Variants in COL28A1 observed in about 807,000 individuals in gnomAD.
COL28A1 encodes the protein collagen type XXVIII alpha 1 chain.
A neutral mutation model predicts 150.2 loss-of-function variants in COL28A1; 161 were observed. That is an observed-to-expected ratio of 1.07 (90% CI 0.94 to 1.22). COL28A1 has a LOEUF of 1.22. Among genes scored for constraint, COL28A1 ranks in the 50% most tolerant of loss-of-function variants. COL28A1 has a pLI of 0.00. For synonymous variants in COL28A1, 552 were observed against 469.7 expected (o/e 1.18, Z -2.26); for missense variants, 1,617 against 1,388.3 (o/e 1.16, Z -2.62).
the COL28A1 span, among the ~76,000 whole-genome samples, chr7:7,349,511 CT>C: frequency 6.6e-6 from 1 of 152,136 alleles, no homozygotes; most frequent in South Asian, 2.1e-4. Context: ...TGTGAAATTC[CT>C]TTCTTTACAG....
At chr7:7,522,702 T>C (rs1351562546) in intron 4 of COL28A1, among the ~76,000 whole-genome samples, 1 of 151,192 alleles carries the variant, frequency 6.6e-6, no homozygotes, top group Non-Finnish European at 1.5e-5. Flanking sequence ...GATTCAGATT[T>C]ACCAGGGGTG....
At chr7:7,379,145 G>A (rs1017476347) in intron 30 of COL28A1, among the ~76,000 whole-genome samples, 5 of 152,150 alleles carry the variant, frequency 3.3e-5, no homozygotes, top group East Asian at 1.9e-4. Context: ...AGGAAGGAGC[G>A]CAGCTGGAGA....
Position 7,418,590 on chromosome 7 carries a change from G to A in COL28A1, c.2068-663C>T, listed in dbSNP as rs373659744. Among the ~76,000 whole-genome samples the A allele has an allele frequency of 1.6e-4, 25 of 152,236 alleles. 1 individual carries two copies. In the South Asian group the frequency reaches 4.8e-3, roughly 29 times the overall value. On this transcript the variant is annotated intron_variant, in intron 26 of 34. Coordinates refer to ENST00000399429, the MANE Select transcript of COL28A1 (RefSeq NM_001037763.3). ...CCCACAGTAAAGAAATTAGTGTAAC[G>A]TTGCTTATCCCAGAAGTTCCTAAAT... is the stretch of plus-strand genomic sequence containing the variant.
intron 15 of COL28A1, among the ~76,000 whole-genome samples, chr7:7,460,590 G>A (rs902220291): frequency 6.6e-6 from 1 of 152,030 alleles, no homozygotes. Context: ...CACCGTGTTA[G>A]CCAGGATGGT....
At chr7:7,402,962 G>A (rs1225220788) in intron 27 of COL28A1, among the ~76,000 whole-genome samples, 2 of 152,196 alleles carry the variant, frequency 1.3e-5, no homozygotes, top group Non-Finnish European at 2.9e-5. Flanking sequence ...GTATCCAGGT[G>A]TATGTTAGGT....
At chr7:7,371,846 T>TTA (rs1781236834) in intron 32 of COL28A1, among the ~76,000 whole-genome samples, 1 of 152,092 alleles carries the variant, frequency 6.6e-6, no homozygotes, top group Non-Finnish European at 1.5e-5. Context: ...TTTTATTTAT[T>TTA]TTTTGAGACA....
At chr7:7,349,758 A>C in the COL28A1 span, among the ~76,000 whole-genome samples, 2 of 151,834 alleles carry the variant, frequency 1.3e-5, no homozygotes, top group Non-Finnish European at 2.9e-5. Context: ...CATATATTTT[A>C]TCTGTTTTTG....
At chr7:7,385,579 C>A (rs1041089071) in intron 27 of COL28A1, among the ~76,000 whole-genome samples, 1 of 151,436 alleles carries the variant, frequency 6.6e-6, no homozygotes, top group Non-Finnish European at 1.5e-5. Flanking sequence ...ATGTCCAATA[C>A]ATGTTCATGA....
rs1787148717 is a variant in COL28A1 at position 7,456,113 on chromosome 7, C to G, written c.1303-1G>C. 1.2e-6 allele frequency: 2 copies of G among 1,611,532 alleles called. No individual in the cohort carries two copies. The highest frequency in any genetic ancestry group is 1.6e-4 in the Middle Eastern group (1 of 6,070). On this transcript the variant is annotated splice_acceptor_variant, in intron 15 of 34. Transcript: ENST00000399429. LOFTEE classifies it high-confidence loss of function. ...GGGGTCCCACAGGTCCTATATCCCC[C>G]TGCACAGAAAATAAGCCAGGAAATA...
chr7:7,367,766 T>C (rs1462695118), intron 33 of COL28A1, among the ~76,000 whole-genome samples: 3 of 150,638 alleles, frequency 2.0e-5, no homozygotes. Flanking sequence ...TGGATGTCCC[T>C]CAGGCACCTC....
At chr7:7,399,787 C>T (rs1783064993) in intron 27 of COL28A1, among the ~76,000 whole-genome samples, 1 of 152,224 alleles carries the variant, frequency 6.6e-6, no homozygotes, top group African/African-American at 2.4e-5. Context: ...TTCTGCGGCA[C>T]TGTCATCTGA....
At chr7:7,359,993 C>T (rs992198428) in intron 34 of COL28A1, among the ~76,000 whole-genome samples, 4 of 152,122 alleles carry the variant, frequency 2.6e-5, no homozygotes, top group Non-Finnish European at 5.9e-5. Flanking sequence ...TCTAGATTTT[C>T]GCTTGTTTCT....
chr7:7,349,374 T>C, the COL28A1 span, among the ~76,000 whole-genome samples: 4 of 152,128 alleles, frequency 2.6e-5, no homozygotes, highest in Non-Finnish European at 4.4e-5. Flanking sequence ...TATTAGCACC[T>C]GCTCCCTCTA....
chr7:7,522,174 C>G (rs1781763671), intron 4 of COL28A1: 1 of 594,042 alleles, frequency 1.7e-6, no homozygotes, highest in Non-Finnish European at 3.1e-6. Flanking sequence ...TTAAATTATT[C>G]CAGGCAAATT....
chr7:7,487,843 G>C (rs1779710907), intron 13 of COL28A1, among the ~76,000 whole-genome samples: 1 of 152,092 alleles, frequency 6.6e-6, no homozygotes, highest in African/African-American at 2.4e-5. Flanking sequence ...AGCTTTACAT[G>C]ATGAGTGGTT....
intron 15 of COL28A1, among the ~76,000 whole-genome samples, chr7:7,458,432 C>G (rs1787345489): frequency 6.6e-6 from 1 of 150,886 alleles, no homozygotes; most frequent in African/African-American, 2.4e-5. Flanking sequence ...AAAAACAAAA[C>G]AAAAAACAAA....
chr7:7,497,247 A>G (rs1780269890), intron 11 of COL28A1, among the ~76,000 whole-genome samples: 1 of 152,250 alleles, frequency 6.6e-6, no homozygotes, highest in Non-Finnish European at 1.5e-5. Context: ...AAAATTTACC[A>G]GAATAAACTT....
At chr7:7,341,494 T>C in the COL28A1 span, among the ~76,000 whole-genome samples, 2 of 152,124 alleles carry the variant, frequency 1.3e-5, no homozygotes, top group African/African-American at 4.8e-5. Context: ...AGCCTCAGCC[T>C]CGAACTTCTA....
the COL28A1 span, among the ~76,000 whole-genome samples, chr7:7,542,926 G>A: frequency 6.6e-6 from 1 of 152,088 alleles, no homozygotes. Context: ...AATTGGCCTA[G>A]GAAAGTGGAA....
Sources: allele counts gnomAD v4.1 joint callset (sites outside exome capture counted in the v4.1 genomes callset), GRCh38; gene constraint gnomAD v4.1.1; transcripts MANE v1.5; gene names NCBI Gene and HGNC (gene_info 2026-07-23, HGNC 2026-07-21).